CSMD1: variants seen among roughly 807,000 people sequenced by gnomAD.
The protein encoded by CSMD1 is CUB and Sushi multiple domains 1, also known as CUB and sushi domain-containing protein 1.
A neutral mutation model predicts 417.5 loss-of-function variants in CSMD1; 213 were observed. The ratio of observed to expected loss-of-function variants is 0.51; its 90% CI spans 0.46 to 0.57. CSMD1 has a LOEUF of 0.57. Ranked by LOEUF, CSMD1 falls within the 20% of genes least tolerant of loss-of-function variation. The pLI is 0.00. For missense variants in CSMD1, 6,923 were observed against 4,529.7 expected (o/e 1.53, Z -15.17); for synonymous variants, 2,862 against 1,736.8 (o/e 1.65, Z -16.11).
intron 3 of CSMD1, among the ~76,000 whole-genome samples, chr8:4,330,320 C>G (rs1329651236): frequency 6.6e-6 from 1 of 151,396 alleles, no homozygotes; most frequent in Non-Finnish European, 1.5e-5. Flanking sequence ...TTGGGCTGGG[C>G]GTGCTGGCTC....
chr8:3,369,022 G>T (rs7001376), intron 19 of CSMD1, among the ~76,000 whole-genome samples: 2 of 151,976 alleles, frequency 1.3e-5, no homozygotes, highest in African/African-American at 2.4e-5. Context: ...GTTCACATGC[G>T]TATATTCAGG....
At chr8:3,108,418 G>C (rs1449403037) in intron 44 of CSMD1, among the ~76,000 whole-genome samples, 185 bp downstream of exon 44, 1 of 152,088 alleles carries the variant, frequency 6.6e-6, no homozygotes. Flanking sequence ...GATACGATGT[G>C]AAATAATAAA....
intron 3 of CSMD1, among the ~76,000 whole-genome samples, chr8:4,184,148 A>G (rs753471865): frequency 4.6e-4 from 70 of 152,342 alleles, no homozygotes; most frequent in Non-Finnish European, 7.6e-4. Context: ...ATATAAATGC[A>G]TAACTATGAA....
At chr8:3,163,452 G>C (rs1251551998) in intron 37 of CSMD1, among the ~76,000 whole-genome samples, 1 of 151,774 alleles carries the variant, frequency 6.6e-6, no homozygotes, top group Non-Finnish European at 1.5e-5. Flanking sequence ...GTCCACTCAG[G>C]GGCAGTCCCA....
chr8:3,378,608 A>G (rs1810453797), intron 18 of CSMD1, among the ~76,000 whole-genome samples: 1 of 152,212 alleles, frequency 6.6e-6, no homozygotes, highest in Non-Finnish European at 1.5e-5. Context: ...GCAAATCAAT[A>G]AACGTAATCC....
intron 26 of CSMD1, among the ~76,000 whole-genome samples, chr8:3,250,563 T>C (rs78561648): frequency 2.0e-5 from 3 of 152,134 alleles, no homozygotes. Flanking sequence ...TAGTCCTTTG[T>C]GTATATACCC....
At chr8:3,163,941 T>C (rs1437742537) in intron 37 of CSMD1, among the ~76,000 whole-genome samples, 1 of 152,210 alleles carries the variant, frequency 6.6e-6, no homozygotes, top group African/African-American at 2.4e-5. Flanking sequence ...TATATGAGCC[T>C]GATCTCTCAT....
At chr8:4,139,129 T>C (rs1803620991) in intron 3 of CSMD1, among the ~76,000 whole-genome samples, 1 of 152,152 alleles carries the variant, frequency 6.6e-6, no homozygotes, top group Non-Finnish European at 1.5e-5. Flanking sequence ...GTGATTCTAA[T>C]CCTGGACCCA....
Position 4,744,021 on chromosome 8 carries a change from C to A in CSMD1, c.86-106463G>T, listed in dbSNP as rs1585031529. 2.6e-5 allele frequency among the ~76,000 whole-genome samples: 4 copies of A among 152,348 alleles called. No individual in the cohort carries two copies. In the South Asian group the frequency reaches 6.2e-4, roughly 24 times the overall value. ...AGTCACGCTCTAGAGCCTGCATCCACGCCAGGCTGGCACACGCAGCCCCGT... is the reference window on the plus strand; with the variant it reads ...AGTCACGCTCTAGAGCCTGCATCCAAGCCAGGCTGGCACACGCAGCCCCGT... On this transcript the variant is annotated intron_variant, in intron 1 of 69. Transcript: ENST00000635120.
At chr8:4,890,011 A>G (rs1409194136) in intron 1 of CSMD1, among the ~76,000 whole-genome samples, 1 of 152,142 alleles carries the variant, frequency 6.6e-6, no homozygotes, top group Non-Finnish European at 1.5e-5. Context: ...ATCTTACCTA[A>G]TAATTAATAT....
chr8:4,062,979 A>C (rs1355075059), intron 3 of CSMD1, among the ~76,000 whole-genome samples: 1 of 152,184 alleles, frequency 6.6e-6, no homozygotes, highest in South Asian at 2.1e-4. Flanking sequence ...AGGAATAAGG[A>C]AATAGGTAAT....
At chr8:3,915,469 T>G (rs187119295) in intron 5 of CSMD1, among the ~76,000 whole-genome samples, 1 of 150,218 alleles carries the variant, frequency 6.7e-6, no homozygotes, top group East Asian at 2.0e-4. Context: ...TTCAAGGACT[T>G]CAGGGAAGTG....
intron 26 of CSMD1, among the ~76,000 whole-genome samples, chr8:3,246,857 T>C (rs1799916672): frequency 1.3e-5 from 2 of 152,238 alleles, no homozygotes; most frequent in Non-Finnish European, 2.9e-5. Context: ...GGTGCCATTT[T>C]AGCGGTTGAT....
chr8:3,871,244 T>G (rs1307420283), intron 5 of CSMD1, among the ~76,000 whole-genome samples: 1 of 152,106 alleles, frequency 6.6e-6, no homozygotes, highest in Non-Finnish European at 1.5e-5. Context: ...AATACATATT[T>G]TAGCACTTAA....
intron 10 of CSMD1, among the ~76,000 whole-genome samples, chr8:3,547,542 A>C (rs1798719952): frequency 6.6e-6 from 1 of 152,236 alleles, no homozygotes. Context: ...ATATTTTTCC[A>C]AAGTCTCATA....
intron 4 of CSMD1, among the ~76,000 whole-genome samples, chr8:4,028,858 A>C (rs1797199426): frequency 6.6e-6 from 1 of 152,230 alleles, no homozygotes; most frequent in African/African-American, 2.4e-5. Context: ...TTGTACTCAA[A>C]AGATAAATTT....
chr8:4,191,687 T>G (rs2131217116), intron 3 of CSMD1, among the ~76,000 whole-genome samples: 1 of 151,802 alleles, frequency 6.6e-6, no homozygotes, highest in African/African-American at 2.4e-5. Flanking sequence ...TTTCAGTTCT[T>G]TGTGCCTTTA....
At chr8:3,808,434 A>G (rs1800871523) in intron 5 of CSMD1, among the ~76,000 whole-genome samples, 2 of 152,172 alleles carry the variant, frequency 1.3e-5, no homozygotes, top group African/African-American at 2.4e-5. Flanking sequence ...AACTCATTGG[A>G]ATGAGTCTTC....
chr8:4,202,631 A>G (rs1367057644), intron 3 of CSMD1, among the ~76,000 whole-genome samples: 1 of 152,178 alleles, frequency 6.6e-6, no homozygotes, highest in South Asian at 2.1e-4. Flanking sequence ...GGATATTGTA[A>G]ATTTCCTCTC....
Sources: gnomAD v4.1 joint callset for allele counts (sites outside exome capture counted in the v4.1 genomes callset) on GRCh38, gnomAD v4.1.1 for gene constraint, MANE v1.5 for transcripts, NCBI Gene and HGNC (gene_info 2026-07-23, HGNC 2026-07-21) for gene names.